ADK: variants seen among roughly 807,000 people sequenced by gnomAD.
The protein encoded by ADK is adenosine kinase, also known as N6,N6-dimethyladenosine kinase.
Under a neutral mutation model 44.7 loss-of-function variants are expected in ADK, and 24 were observed. The ratio of observed to expected loss-of-function variants is 0.54; its 90% CI spans 0.39 to 0.76. The LOEUF is 0.76. ADK is among the 30% of genes least tolerant of loss of function. The probability of loss-of-function intolerance (pLI) is 0.00; values close to 1 mark genes in which losing one functional copy is unlikely to be tolerated. For missense variants in ADK, 321 were observed against 425.1 expected, an observed-to-expected ratio of 0.76 and a Z score of 2.15; for synonymous variants, 128 against 142.6, an observed-to-expected ratio of 0.90 and a Z score of 0.73.
At chr10:74,367,430 G>A (rs1871088) in intron 4 of ADK, among the ~76,000 whole-genome samples, 99,151 of 151,894 alleles carry the variant, frequency 0.65, 33,507 homozygotes, top group Middle Eastern at 0.79. Flanking sequence ...GAGGATACAT[G>A]ATTTTTATCA....
At chr10:74,453,875 G>T (rs1278997954) in intron 6 of ADK, among the ~76,000 whole-genome samples, 2 of 148,928 alleles carry the variant, frequency 1.3e-5, no homozygotes, top group East Asian at 3.9e-4. Flanking sequence ...AGAATAATAA[G>T]AATTGAATCT....
chr10:74,250,184 A>T (rs919907747), intron 3 of ADK, among the ~76,000 whole-genome samples: 2 of 152,118 alleles, frequency 1.3e-5, no homozygotes, highest in Non-Finnish European at 2.9e-5. Context: ...GCTATTATAT[A>T]GTGTGATGAT....
chr10:74,254,717 G>A (rs1393714099), intron 3 of ADK, among the ~76,000 whole-genome samples: 1 of 152,068 alleles, frequency 6.6e-6, no homozygotes, highest in East Asian at 1.9e-4. Context: ...AGAGCTCTGT[G>A]TTTAAAAGGA....
At chr10:74,433,501 G>A (rs1327144256) in intron 6 of ADK, among the ~76,000 whole-genome samples, 1 of 152,132 alleles carries the variant, frequency 6.6e-6, no homozygotes, top group Non-Finnish European at 1.5e-5. Context: ...GCAGCAGGAG[G>A]CTAGAATGTA....
intron 4 of ADK, among the ~76,000 whole-genome samples, chr10:74,337,849 G>A (rs1409974710): frequency 6.7e-6 from 1 of 148,618 alleles, no homozygotes; most frequent in African/African-American, 2.5e-5. Context: ...CGCAGCCTCC[G>A]CCTCCCGGGT....
chr10:74,530,506 C>G (rs1420002204), intron 7 of ADK: 1 of 152,024 alleles, frequency 6.6e-6, no homozygotes, highest in Non-Finnish European at 1.5e-5. Context: ...AAAAATAATA[C>G]CTTGTCCACA....
intron 3 of ADK, among the ~76,000 whole-genome samples, chr10:74,297,350 GTTT>G (rs979386973): frequency 3.9e-5 from 6 of 152,196 alleles, no homozygotes; most frequent in African/African-American, 1.4e-4. Context: ...TATGGACTGT[GTTT>G]TATGCTTCAT....
chr10:74,171,447 T>G (rs1842157859), intron 1 of ADK, among the ~76,000 whole-genome samples: 1 of 152,218 alleles, frequency 6.6e-6, no homozygotes, highest in South Asian at 2.1e-4. Flanking sequence ...TTGAAGAGAT[T>G]AGTGGATGGG....
chr10:74,466,088 C>T (rs1002418598), intron 6 of ADK, among the ~76,000 whole-genome samples: 7 of 152,076 alleles, frequency 4.6e-5, no homozygotes, highest in Admixed American at 6.5e-5. Context: ...CTAATATATT[C>T]GTATCCCTCT....
intron 3 of ADK, among the ~76,000 whole-genome samples, chr10:74,271,187 G>A (rs1420821213): frequency 1.3e-5 from 2 of 151,994 alleles, no homozygotes. Flanking sequence ...CAAGTTGTGG[G>A]GGTTTTTGAT....
intron 4 of ADK, among the ~76,000 whole-genome samples, chr10:74,333,199 T>G (rs1315967455): frequency 6.6e-6 from 1 of 152,152 alleles, no homozygotes; most frequent in Admixed American, 6.5e-5. Flanking sequence ...CACAAGAAAT[T>G]TAAATTTGTG....
chr10:74,569,965 G>A (rs558888815), intron 7 of ADK, among the ~76,000 whole-genome samples: 11 of 152,222 alleles, frequency 7.2e-5, no homozygotes, highest in Non-Finnish European at 1.5e-4. Context: ...GTGTAAGGAA[G>A]GGATCCAGTT....
intron 5 of ADK, 86 bp downstream of exon 5, chr10:74,394,399 T>G: frequency 7.7e-7 from 1 of 1,299,154 alleles, no homozygotes; most frequent in Admixed American, 1.7e-5. Flanking sequence ...TTTGGAATTT[T>G]GACTTTATAA....
intron 9 of ADK, among the ~76,000 whole-genome samples, chr10:74,666,938 C>T (rs1854979914): frequency 6.7e-6 from 1 of 148,586 alleles, no homozygotes; most frequent in South Asian, 2.1e-4. Flanking sequence ...TCAAGTGATT[C>T]TCGTGCCTCA....
intron 6 of ADK, among the ~76,000 whole-genome samples, chr10:74,463,256 C>T (rs1023125677): frequency 2.0e-5 from 3 of 151,972 alleles, no homozygotes; most frequent in Non-Finnish European, 4.4e-5. Context: ...TTGCATTTGT[C>T]GTGCACTTTA....
intron 10 of ADK, among the ~76,000 whole-genome samples, chr10:74,690,949 A>G (rs966768952): frequency 6.6e-6 from 1 of 152,252 alleles, no homozygotes; most frequent in African/African-American, 2.4e-5. Context: ...AAAATGTAGT[A>G]TAGAAGCAGT....
rs1393161813 is a variant in ADK at position 74,245,627 on chromosome 10, G to T, written c.194+21036G>T. Among the ~76,000 whole-genome samples the T allele has an allele frequency of 2.8e-5, 4 of 140,898 alleles. No individual in the cohort carries two copies. The Admixed American group carries it at 3.0e-4, about 10-fold the overall frequency. 92.4% of individuals were successfully genotyped at this position (140,898 alleles called of 152,430 possible). On this transcript the variant is annotated intron_variant, in intron 3 of 10. Transcript: ENST00000539909. ...TTTTTTTGAGACAGAGTCTTACTCT[G>T]TCACCCAGGGTGGAGTGCAGTGGCA...
intron 7 of ADK, among the ~76,000 whole-genome samples, chr10:74,573,049 G>A (rs1382990562): frequency 5.3e-5 from 8 of 152,050 alleles, no homozygotes; most frequent in Non-Finnish European, 1.2e-4. Context: ...CTGCTGAGGA[G>A]CTGCGTTCCT....
chr10:74,601,928 A>AG (rs1457001146), intron 9 of ADK, among the ~76,000 whole-genome samples: 2 of 108,266 alleles, frequency 1.8e-5, no homozygotes, highest in East Asian at 7.3e-4. Context: ...TCATCTCTAC[A>AG]AAAAAAAATG....
Sources: gnomAD v4.1 joint callset for allele counts (sites outside exome capture counted in the v4.1 genomes callset) on GRCh38, gnomAD v4.1.1 for gene constraint, MANE v1.5 for transcripts, NCBI Gene and HGNC (gene_info 2026-07-23, HGNC 2026-07-21) for gene names.